Variants in KSR1 observed in about 807,000 individuals in gnomAD.
KSR1 encodes the protein kinase suppressor of ras 1.
Under a neutral mutation model 92.9 loss-of-function variants are expected in KSR1, and 35 were observed. That is an observed-to-expected ratio of 0.38 (90% confidence interval 0.29 to 0.50). KSR1 has a LOEUF of 0.50. Among genes scored for constraint, KSR1 ranks in the 20% least tolerant of loss-of-function variants. KSR1 has a pLI of 0.94. For missense variants in KSR1, 972 were observed against 1,158.5 expected, an observed-to-expected ratio of 0.84 and a Z score of 2.34; for synonymous variants, 467 against 472.6, an observed-to-expected ratio of 0.99 and a Z score of 0.15.
intron 2 of KSR1, among the ~76,000 whole-genome samples, chr17:27,556,301 A>G (rs879445806): frequency 2.0e-5 from 3 of 152,166 alleles, no homozygotes; most frequent in Non-Finnish European, 2.9e-5. Context: ...TGCAGCTTCA[A>G]TGTCCTGGGC....
In KSR1 at chr17:27,577,382, C is replaced by A; in HGVS notation, c.373-110C>A. The A allele has an allele frequency of 1.5e-6, 1 of 672,888 alleles. No individual in the cohort carries two copies. The highest frequency in any genetic ancestry group is 2.5e-6 in the Non-Finnish European group (1 of 397,534). The allele number at this position is 672,888 out of a possible 1,614,324, so 41.7% of individuals were successfully genotyped here. A position where few individuals can be genotyped will look rare whatever the true frequency, so the allele number is the denominator to read the frequency against. ...GTGGTGGCTCTGGTCAGAGGCCGGC[C>A]CAGCCAGCAGCTGGCCCCTGCCACT... On this transcript the variant is annotated intron_variant, in intron 2 of 20. Transcript: ENST00000644974. The surrounding 1 kb of genome is among the most constrained non-coding windows in gnomAD (Gnocchi z 4.5).
At chr17:27,526,813 GTAT>G in intron 1 of KSR1, 1 of 900,728 alleles carries the variant, frequency 1.1e-6, no homozygotes, top group Non-Finnish European at 1.8e-6. Context: ...CCGTGGCGTG[GTAT>G]TTGGGCTCCT....
At chr17:27,590,355 A>G (rs2151189185) in intron 6 of KSR1, among the ~76,000 whole-genome samples, 3 of 152,358 alleles carry the variant, frequency 2.0e-5, no homozygotes, top group African/African-American at 7.2e-5. Context: ...ATAGTATTCC[A>G]TCGTATGGAA....
chr17:27,462,124 C>T (rs1408969724), intron 1 of KSR1, among the ~76,000 whole-genome samples: 2 of 152,172 alleles, frequency 1.3e-5, no homozygotes, highest in African/African-American at 4.8e-5. Context: ...TGCTTGATCA[C>T]CTGTTCTATG....
chr17:27,522,146 C>T (rs2070060058), intron 1 of KSR1, among the ~76,000 whole-genome samples: 1 of 152,152 alleles, frequency 6.6e-6, no homozygotes, highest in Admixed American at 6.6e-5. Context: ...CAGACCCCAG[C>T]CTTGAGCCCG....
chr17:27,602,608 G>A (rs1315952839), intron 11 of KSR1, among the ~76,000 whole-genome samples: 1 of 152,202 alleles, frequency 6.6e-6, no homozygotes, highest in Non-Finnish European at 1.5e-5. Context: ...TGGGGTTTGG[G>A]GAGAAACCAC....
At chr17:27,486,274 C>G (rs139483696) in intron 1 of KSR1, among the ~76,000 whole-genome samples, 2 of 152,296 alleles carry the variant, frequency 1.3e-5, no homozygotes, top group Non-Finnish European at 2.9e-5. Flanking sequence ...CAACTGGAGT[C>G]TGGTTTGGCT....
chr17:27,511,205 G>C (rs2151001543), intron 1 of KSR1, among the ~76,000 whole-genome samples: 1 of 152,378 alleles, frequency 6.6e-6, no homozygotes. Context: ...GCTGTGAAGA[G>C]GTAGGCCAAG....
At chr17:27,487,433 C>T (rs933508406) in intron 1 of KSR1, among the ~76,000 whole-genome samples, 36 of 151,658 alleles carry the variant, frequency 2.4e-4, no homozygotes, top group African/African-American at 8.7e-4. Context: ...GAGACTCCAT[C>T]TCCAAAAAAA....
chr17:27,462,234 C>T (rs2019483888), intron 1 of KSR1, among the ~76,000 whole-genome samples: 1 of 152,152 alleles, frequency 6.6e-6, no homozygotes. Flanking sequence ...AATTGCAGCT[C>T]AGAGGGATGG....
chr17:27,531,320 C>T (rs1006582603), intron 1 of KSR1, among the ~76,000 whole-genome samples: 1 of 152,252 alleles, frequency 6.6e-6, no homozygotes, highest in Non-Finnish European at 1.5e-5. Context: ...TGCAGGGCGG[C>T]CCCCTTCTGC....
Position 27,605,641 on chromosome 17 carries a change from G to A in KSR1, c.1822G>A (p.Gly608Ser), listed in dbSNP as rs1366152459. Residue 608 changes from glycine to serine, a missense_variant, in exon 14 of 21, where the codon GGC becomes AGC. By Grantham distance (56) the Gly-to-Ser change is moderately conservative (BLOSUM62 0). Around this residue, in one of 5 missense-constraint regions of KSR1, gnomAD observed 260 missense variants for 375.2 expected, o/e 0.69. Coordinates refer to ENST00000644974, the MANE Select transcript of KSR1 (RefSeq NM_001394583.1). ...GGGCCGCTGGGGCCGGGTGCACCGC[G>A]GCCGCTGGCATGGCGAGGTGGCCAT... ...GQGRWGRVHRGRWHGEVAIRL... is the reference protein window; with the variant it reads ...GQGRWGRVHRSRWHGEVAIRL... 1.9e-6 allele frequency: 3 copies of A among 1,611,136 alleles called. No individual in the cohort carries two copies. Among genetic ancestry groups the A allele is most frequent in the Non-Finnish European group, 1.7e-6 (2 of 1,179,244 alleles).
Position 27,577,028 on chromosome 17 carries a change from G to T in KSR1, c.373-464G>T, listed in dbSNP as rs2072534026. Reference sequence around the variant, plus strand: ...AGGTGAGGCAGTAAGTGCCTCTGCAGTGTTTGGTGAGGTTTTTTTGTTTTT... The same window carrying T: ...AGGTGAGGCAGTAAGTGCCTCTGCATTGTTTGGTGAGGTTTTTTTGTTTTT... On this transcript the variant is annotated intron_variant, in intron 2 of 20. Transcript: ENST00000644974. This position sits in a 1 kb window ranked among gnomAD's most constrained non-coding sequence, Gnocchi z 4.5. Among the ~76,000 whole-genome samples the T allele has an allele frequency of 6.7e-6, 1 of 148,228 alleles. No homozygotes were observed. The highest frequency in any genetic ancestry group is 2.1e-4 in the South Asian group (1 of 4,664).
chr17:27,523,015 C>G (rs1003359582), intron 1 of KSR1, among the ~76,000 whole-genome samples: 1 of 152,196 alleles, frequency 6.6e-6, no homozygotes, highest in Non-Finnish European at 1.5e-5. Context: ...CCTCCTCTCT[C>G]ACACAGGGCC....
chr17:27,608,744 G>A (rs542848994), intron 15 of KSR1, among the ~76,000 whole-genome samples: 63 of 152,282 alleles, frequency 4.1e-4, no homozygotes, highest in African/African-American at 1.5e-3. Context: ...CCCGCTGTGG[G>A]AATGCCTCTC....
chr17:27,498,806 C>T (rs1391029472), intron 1 of KSR1, among the ~76,000 whole-genome samples: 1 of 152,062 alleles, frequency 6.6e-6, no homozygotes, highest in African/African-American at 2.4e-5. Context: ...TCAGGTGATG[C>T]GGTTGTGTGG....
chr17:27,506,931 C>T (rs970743965), intron 1 of KSR1, among the ~76,000 whole-genome samples: 1 of 152,176 alleles, frequency 6.6e-6, no homozygotes, highest in Admixed American at 6.5e-5. Context: ...CAGCCTCCCA[C>T]CCCTCAAATC....
At chr17:27,504,533 G>T (rs2069306515) in intron 1 of KSR1, among the ~76,000 whole-genome samples, 1 of 152,174 alleles carries the variant, frequency 6.6e-6, no homozygotes, top group East Asian at 1.9e-4. Context: ...GAGCCTGCTT[G>T]AAGGGTGGGT....
chr17:27,612,844 T>A (rs2073957276), intron 18 of KSR1: 1 of 152,198 alleles, frequency 6.6e-6, no homozygotes, highest in Non-Finnish European at 1.5e-5. Context: ...GCTGGCAGGA[T>A]CACTGTCTGT....
Sources: gnomAD v4.1 joint callset for allele counts (sites outside exome capture counted in the v4.1 genomes callset) on GRCh38, gnomAD v4.1.1 for gene constraint, gnomAD v4.1.1 regional missense constraint, Gnocchi (gnomAD v3.1) non-coding constraint, MANE v1.5 for transcripts, NCBI Gene and HGNC (gene_info 2026-07-23, HGNC 2026-07-21) for gene names.